ACOXL: variants seen among roughly 807,000 people sequenced by gnomAD.
The protein encoded by ACOXL is acyl-coenzyme A oxidase-like protein.
Under a neutral mutation model 71.9 loss-of-function variants are expected in ACOXL, and 70 were observed. The ratio of observed to expected loss-of-function variants is 0.97; its 90% CI spans 0.80 to 1.19. The LOEUF (loss-of-function observed/expected upper bound fraction) is 1.19. Among genes scored for constraint, ACOXL ranks in the 50% most tolerant of loss-of-function variants. ACOXL has a pLI of 0.00. For missense variants in ACOXL, 703 were observed against 736.3 expected, an observed-to-expected ratio of 0.95 and a Z score of 0.52; for synonymous variants, 253 against 281.6, an observed-to-expected ratio of 0.90 and a Z score of 1.02.
chr2:110,859,708 A>G (rs1693710743), intron 10 of ACOXL, among the ~76,000 whole-genome samples: 1 of 152,200 alleles, frequency 6.6e-6, no homozygotes, highest in Non-Finnish European at 1.5e-5. Flanking sequence ...TGGATGGCAG[A>G]CATAAGGTCT....
intron 10 of ACOXL, among the ~76,000 whole-genome samples, chr2:110,879,646 G>A (rs944185667): frequency 6.6e-6 from 1 of 152,146 alleles, no homozygotes; most frequent in African/African-American, 2.4e-5. Flanking sequence ...ACTGATTTGT[G>A]GGAGGGTAGA....
At chr2:110,928,321 T>C (rs2060354531) in intron 11 of ACOXL, among the ~76,000 whole-genome samples, 1 of 152,244 alleles carries the variant, frequency 6.6e-6, no homozygotes, top group Admixed American at 6.5e-5. Context: ...CTTTGTTTTT[T>C]GATTGATGTT....
rs767365350 is a variant in ACOXL, at chr2:111,002,684, G to A, written c.1281+6680G>A. Among the ~76,000 whole-genome samples, 32 of 152,188 alleles carry A rather than the reference G, an allele frequency of 2.1e-4. No individual in the cohort carries two copies. In the East Asian group the frequency reaches 2.1e-3, roughly 10 times the overall value. ...TTCTCCAACTTTCTAAGTTTTTACC[G>A]TTAGGGTTTAGGAGTCTATCATCTT... On this transcript the variant is annotated intron_variant, in intron 14 of 17. Transcript: ENST00000439055.
At chr2:110,843,447 C>G (rs978213981) in intron 10 of ACOXL, among the ~76,000 whole-genome samples, 1 of 152,168 alleles carries the variant, frequency 6.6e-6, no homozygotes, top group African/African-American at 2.4e-5. Context: ...TCTCTCAGAA[C>G]AAATAGTCTT....
At chr2:111,050,138 C>G (rs2066216571) in intron 16 of ACOXL, among the ~76,000 whole-genome samples, 1 of 152,024 alleles carries the variant, frequency 6.6e-6, no homozygotes, top group East Asian at 1.9e-4. Context: ...AATTGCATTT[C>G]TTTATCTAAA....
intron 14 of ACOXL, among the ~76,000 whole-genome samples, chr2:111,026,863 G>T (rs72946265): frequency 0.018 from 2,708 of 152,244 alleles, 83 homozygotes; most frequent in African/African-American, 0.062. Context: ...GAGGAGGAAT[G>T]TGCAGTCTTT....
intron 1 of ACOXL, among the ~76,000 whole-genome samples, 196 bp from the exon 2 acceptor site, chr2:110,768,172 G>T (rs1429283112): frequency 6.6e-6 from 1 of 152,154 alleles, no homozygotes; most frequent in Non-Finnish European, 1.5e-5. Context: ...GGTCTTGTCA[G>T]GAAATCCTTC....
At chr2:110,898,109 C>T (rs1213985043) in intron 10 of ACOXL, among the ~76,000 whole-genome samples, 1 of 152,090 alleles carries the variant, frequency 6.6e-6, no homozygotes, top group Non-Finnish European at 1.5e-5. Context: ...TTTAAAACTC[C>T]TAAGAAAATC....
intron 1 of ACOXL, among the ~76,000 whole-genome samples, chr2:110,738,242 G>A (rs1677105371): frequency 6.6e-6 from 1 of 152,198 alleles, no homozygotes. Flanking sequence ...ACACTGGAAA[G>A]CAGAGAAAAG....
chr2:110,985,719 C>T (rs1268730002), intron 12 of ACOXL, among the ~76,000 whole-genome samples: 1 of 152,130 alleles, frequency 6.6e-6, no homozygotes, highest in Non-Finnish European at 1.5e-5. Context: ...TTCCATAGGC[C>T]TGGGACTTGG....
At chr2:110,926,089 T>G (rs1183629506) in intron 11 of ACOXL, among the ~76,000 whole-genome samples, 3 of 152,050 alleles carry the variant, frequency 2.0e-5, no homozygotes, top group Non-Finnish European at 4.4e-5. Flanking sequence ...CTTATGTGGG[T>G]GCAGTTTGTG....
intron 12 of ACOXL, among the ~76,000 whole-genome samples, chr2:110,963,036 G>T (rs758109711): frequency 3.3e-5 from 5 of 152,146 alleles, no homozygotes; most frequent in Admixed American, 3.3e-4. Context: ...TGATTCTCTG[G>T]TTTGTGTGCA....
chr2:110,969,684 A>C (rs1187835656), intron 12 of ACOXL, among the ~76,000 whole-genome samples: 1 of 151,942 alleles, frequency 6.6e-6, no homozygotes, highest in Non-Finnish European at 1.5e-5. Flanking sequence ...GATGGTGCAC[A>C]TCTGTAATCC....
At chr2:110,739,181 T>C (rs560371825) in intron 1 of ACOXL, among the ~76,000 whole-genome samples, 1 of 152,346 alleles carries the variant, frequency 6.6e-6, no homozygotes, top group South Asian at 2.1e-4. Context: ...GAAATGTGAA[T>C]AGAAGGCTGG....
chr2:110,846,641 G>GCACACACACACA (rs61028803), intron 10 of ACOXL, among the ~76,000 whole-genome samples: 4,281 of 137,940 alleles, frequency 0.031, 113 homozygotes, highest in African/African-American at 0.055. Flanking sequence ...ATGCATACAC[G>GCACACACACACA]CACACACACA....
chr2:110,978,060 G>T (rs1467235045), intron 12 of ACOXL, among the ~76,000 whole-genome samples: 2 of 152,168 alleles, frequency 1.3e-5, no homozygotes, highest in Non-Finnish European at 1.5e-5. Context: ...CCGAAGACTG[G>T]TATGATGTGC....
intron 10 of ACOXL, among the ~76,000 whole-genome samples, chr2:110,904,303 C>T (rs2059358184): frequency 6.6e-6 from 1 of 152,184 alleles, no homozygotes; most frequent in Non-Finnish European, 1.5e-5. Context: ...CCCTGGCTCC[C>T]AGCCAGCACA....
intron 9 of ACOXL, among the ~76,000 whole-genome samples, chr2:110,809,542 G>A (rs139222084): frequency 7.0e-4 from 106 of 152,348 alleles, no homozygotes; most frequent in Admixed American, 3.2e-3. Flanking sequence ...GGAGAGCAAA[G>A]GGAAGAAACT....
At chr2:111,059,612 T>C (rs1409399936) in intron 16 of ACOXL, among the ~76,000 whole-genome samples, 2 of 152,094 alleles carry the variant, frequency 1.3e-5, no homozygotes, top group African/African-American at 4.8e-5. Flanking sequence ...ACATAAAAGA[T>C]TCTGAAAGGT....
Sources: gnomAD v4.1 joint callset for allele counts (sites outside exome capture counted in the v4.1 genomes callset) on GRCh38, gnomAD v4.1.1 for gene constraint, MANE v1.5 for transcripts, NCBI Gene and HGNC (gene_info 2026-07-23, HGNC 2026-07-21) for gene names.